ADAM12: variants seen among roughly 807,000 people sequenced by gnomAD.
ADAM12 encodes ADAM metallopeptidase domain 12.
A neutral mutation model predicts 106.4 loss-of-function variants in ADAM12; 70 were observed. The ratio of observed to expected loss-of-function variants is 0.66; its 90% CI spans 0.54 to 0.80. The LOEUF (loss-of-function observed/expected upper bound fraction) is 0.80. Among genes scored for constraint, ADAM12 ranks in the 30% least tolerant of loss-of-function variants. The probability of loss-of-function intolerance (pLI) is 0.00; values close to 1 mark genes in which losing one functional copy is unlikely to be tolerated. For synonymous variants in ADAM12, 420 were observed against 433.5 expected (o/e 0.97, Z 0.39); for missense variants, 1,010 against 1,171.9 (o/e 0.86, Z 2.02).
chr10:126,290,200 A>G (rs1181055117), intron 2 of ADAM12, among the ~76,000 whole-genome samples: 1 of 152,206 alleles, frequency 6.6e-6, no homozygotes, highest in Non-Finnish European at 1.5e-5. Flanking sequence ...GCAAGAAAAT[A>G]GGAACCATGT....
At chr10:126,232,316 A>C (rs1349349703) in intron 3 of ADAM12, among the ~76,000 whole-genome samples, 2 of 152,140 alleles carry the variant, frequency 1.3e-5, no homozygotes, top group Admixed American at 1.3e-4. Context: ...GAACCAGGGT[A>C]TGCAGGCAGC....
intron 2 of ADAM12, among the ~76,000 whole-genome samples, chr10:126,298,266 G>T (rs887006998): frequency 1.3e-5 from 2 of 151,594 alleles, no homozygotes; most frequent in Non-Finnish European, 2.9e-5. Context: ...AGGAGATGCA[G>T]TTAAAGGAAC....
intron 2 of ADAM12, among the ~76,000 whole-genome samples, chr10:126,312,573 G>A (rs768236842): frequency 3.9e-5 from 6 of 152,128 alleles, no homozygotes; most frequent in Non-Finnish European, 5.9e-5. Context: ...CTTCAGGGAG[G>A]AGGCAGGCCT....
rs115212446 is a variant in ADAM12 at position 126,332,006 on chromosome 10, C to T, written c.89-1497G>A. Among the ~76,000 whole-genome samples the T allele has an allele frequency of 7.3e-3, 1,111 of 152,274 alleles. 15 individuals carry two copies. The highest frequency in any genetic ancestry group is 0.025 in the African/African-American group (1,035 of 41,566). Reference sequence around the variant, plus strand: ...AGTAAGTGTGTCTCCCTCCTCCTGTCGCTTGAGCCCATGCCTTCCATGTGC... The same window carrying T: ...AGTAAGTGTGTCTCCCTCCTCCTGTTGCTTGAGCCCATGCCTTCCATGTGC... On this transcript the variant is annotated intron_variant, in intron 1 of 22. Coordinates refer to ENST00000448723, the MANE Select transcript of ADAM12 (RefSeq NM_001288973.2).
chr10:126,166,164 T>C (rs2133752408), intron 3 of ADAM12, among the ~76,000 whole-genome samples: 1 of 152,342 alleles, frequency 6.6e-6, no homozygotes, highest in South Asian at 2.1e-4. Context: ...GAATTTTGGG[T>C]CCAATCATGT....
At chr10:126,222,390 CTG>C (rs1329908167) in intron 3 of ADAM12, among the ~76,000 whole-genome samples, 1 of 151,940 alleles carries the variant, frequency 6.6e-6, no homozygotes, top group Non-Finnish European at 1.5e-5. Context: ...GTTAGCCTCT[CTG>C]TGAGTCAGTT....
chr10:126,172,928 T>TA (rs1439857283), intron 3 of ADAM12, among the ~76,000 whole-genome samples: 17 of 152,100 alleles, frequency 1.1e-4, no homozygotes, highest in African/African-American at 4.1e-4. Context: ...TATGCAGCCA[T>TA]AAAAAAGGTT....
chr10:126,249,275 C>CAA (rs5788777), intron 3 of ADAM12, among the ~76,000 whole-genome samples: 28,510 of 152,106 alleles, frequency 0.19, 2,755 homozygotes, highest in African/African-American at 0.23. Context: ...GAATCCAATG[C>CAA]AAACACTCTA....
At chr10:126,299,093 G>A (rs894705424) in intron 2 of ADAM12, among the ~76,000 whole-genome samples, 1 of 152,144 alleles carries the variant, frequency 6.6e-6, no homozygotes, top group African/African-American at 2.4e-5. Context: ...GTTAACATGT[G>A]GGAACCTCTA....
chr10:126,248,648 G>GGTATGTAT (rs144495308), intron 3 of ADAM12, among the ~76,000 whole-genome samples: 2,539 of 148,002 alleles, frequency 0.017, 38 homozygotes, highest in Middle Eastern at 0.035. Flanking sequence ...GAGCCTCACA[G>GGTATGTAT]GTATGTATGT....
chr10:126,219,644 T>G (rs1565146840), intron 3 of ADAM12, among the ~76,000 whole-genome samples: 1 of 152,246 alleles, frequency 6.6e-6, no homozygotes, highest in Non-Finnish European at 1.5e-5. Flanking sequence ...GACATAGATA[T>G]GTTGCAATTG....
intron 1 of ADAM12, among the ~76,000 whole-genome samples, chr10:126,385,276 A>C (rs1223193755): frequency 6.6e-6 from 1 of 152,200 alleles, no homozygotes; most frequent in Non-Finnish European, 1.5e-5. Context: ...CTAATTACAC[A>C]GCCATGATTA....
In ADAM12 at chr10:126,053,646, A is replaced by G. The variant is rs1954560468; in HGVS notation, c.1610-3977T>C. 6.6e-6 allele frequency among the ~76,000 whole-genome samples: 1 copy of G among 152,154 alleles called. No homozygotes were observed. The highest frequency in any genetic ancestry group is 2.1e-4 in the South Asian group (1 of 4,834). Reference sequence around the variant, plus strand: ...ACATTTTAATTTAGATTGTCTTAAAAAAAAAACCTCTCCCACACCGTGGAA... The same window carrying G: ...ACATTTTAATTTAGATTGTCTTAAAGAAAAAACCTCTCCCACACCGTGGAA... On this transcript the variant is annotated intron_variant, in intron 14 of 22. Coordinates refer to ENST00000448723, the MANE Select transcript of ADAM12 (RefSeq NM_001288973.2). The surrounding 1 kb of genome is among the most constrained non-coding windows in gnomAD (Gnocchi z 4.6).
At chr10:126,361,384 C>T (rs1156286325) in intron 1 of ADAM12, among the ~76,000 whole-genome samples, 2 of 151,986 alleles carry the variant, frequency 1.3e-5, no homozygotes, top group African/African-American at 2.4e-5. Flanking sequence ...AGATTCAATG[C>T]AATCTCTATC....
chr10:126,047,846 T>C (rs1954368710), intron 16 of ADAM12, among the ~76,000 whole-genome samples: 1 of 152,252 alleles, frequency 6.6e-6, no homozygotes, highest in Non-Finnish European at 1.5e-5. Context: ...TGCACTCATA[T>C]GTTCATTGCA....
chr10:126,305,011 C>T (rs1380673736), intron 2 of ADAM12, among the ~76,000 whole-genome samples: 1 of 151,776 alleles, frequency 6.6e-6, no homozygotes, highest in African/African-American at 2.4e-5. Flanking sequence ...AACAATAGAA[C>T]ACATATATAT....
In ADAM12 at chr10:126,049,342, T is replaced by G; in HGVS notation, c.1828A>C (p.Ile610Leu). Residue 610 changes from isoleucine (I) to leucine (L), a missense_variant, in exon 16 of 23, where the codon ATT becomes CTT. Around this residue, in one of 3 missense-constraint regions of ADAM12, gnomAD observed 615 missense variants for 708.5 expected, o/e 0.87. Transcript: ENST00000448723. The surrounding 1 kb of genome is among the most constrained non-coding windows in gnomAD (Gnocchi z 4.4). ...TNIPLQQGGR[I>L]LCRGTHVYLG... is the part of the protein sequence containing the mutation. ...TACACGTGGGTCCCCCGGCACAGAA[T>G]CCGGCCTCCTTGCTGCAGGGGGATG... 1 of 1,614,216 alleles carries G rather than the reference T, an allele frequency of 6.2e-7. No homozygotes were observed. The highest frequency in any genetic ancestry group is 8.5e-7 in the Non-Finnish European group (1 of 1,180,036).
intron 14 of ADAM12, among the ~76,000 whole-genome samples, chr10:126,051,660 C>CCCAT (rs1311019633): frequency 6.7e-5 from 10 of 150,012 alleles, no homozygotes; most frequent in East Asian, 2.0e-4. Flanking sequence ...CAGCCGGCCA[C>CCCAT]CCATCCATCC....
chr10:126,369,520 G>A (rs759355528), intron 1 of ADAM12, among the ~76,000 whole-genome samples: 3 of 152,166 alleles, frequency 2.0e-5, no homozygotes, highest in African/African-American at 4.8e-5. Context: ...AAGCCAAGGA[G>A]GAGTTCAGCC....
Sources: allele counts gnomAD v4.1 joint callset (sites outside exome capture counted in the v4.1 genomes callset), GRCh38; gene constraint gnomAD v4.1.1; regional missense constraint gnomAD v4.1.1; non-coding constraint Gnocchi (gnomAD v3.1); transcripts MANE v1.5; gene names NCBI Gene and HGNC (gene_info 2026-07-23, HGNC 2026-07-21).